Variants in LRCH3 observed in about 807,000 individuals in gnomAD.
The protein encoded by LRCH3 is DISP complex protein LRCH3.
Under a neutral mutation model 104.5 loss-of-function variants are expected in LRCH3, and 68 were observed. That is an observed-to-expected ratio of 0.65 (90% confidence interval 0.54 to 0.80). LRCH3 has a LOEUF of 0.80. Among genes scored for constraint, LRCH3 ranks in the 30% least tolerant of loss-of-function variants. LRCH3 has a pLI of 0.00. For synonymous variants in LRCH3, 344 were observed against 361.3 expected (o/e 0.95, Z 0.54); for missense variants, 951 against 953.9 (o/e 1.00, Z 0.04).
At chr3:197,843,198 G>A (rs2109355882) in intron 10 of LRCH3, among the ~76,000 whole-genome samples, 1 of 152,022 alleles carries the variant, frequency 6.6e-6, no homozygotes, top group East Asian at 1.9e-4. Flanking sequence ...GCTTCTATAA[G>A]AAGCAATATA....
chr3:197,817,154 C>T (rs533289240), intron 2 of LRCH3, 22 bp from the exon 3 acceptor site: 2 of 1,581,276 alleles, frequency 1.3e-6, no homozygotes, highest in South Asian at 1.2e-5. Flanking sequence ...TGATTCTTCT[C>T]TCTTTCTACT....
At chr3:197,881,175 T>C in intron 20 of LRCH3, 1 of 1,008,604 alleles carries the variant, frequency 9.9e-7, no homozygotes, top group Non-Finnish European at 1.2e-6. Flanking sequence ...CGTCGTGCCT[T>C]TTCTGGTTTT....
intron 16 of LRCH3, 67 bp downstream of exon 16, chr3:197,865,538 TAATA>T: frequency 9.5e-7 from 1 of 1,049,356 alleles, no homozygotes; most frequent in Non-Finnish European, 1.3e-6. Context: ...ATTTAAAAAA[TAATA>T]ATAAATAGAG....
At chr3:197,846,625 A>G (rs562701816) in intron 10 of LRCH3, among the ~76,000 whole-genome samples, 10 of 150,954 alleles carry the variant, frequency 6.6e-5, no homozygotes, top group Admixed American at 2.0e-4. Context: ...GTGAGCCATG[A>G]TGATGGGTTT....
intron 9 of LRCH3, among the ~76,000 whole-genome samples, chr3:197,837,348 T>G (rs1011237469): frequency 5.9e-5 from 9 of 152,182 alleles, no homozygotes; most frequent in African/African-American, 1.9e-4. Context: ...TATAAAAAAA[T>G]AGTATTTCTT....
intron 3 of LRCH3, among the ~76,000 whole-genome samples, chr3:197,818,538 T>C (rs764478856): frequency 3.9e-5 from 6 of 152,222 alleles, no homozygotes; most frequent in Non-Finnish European, 7.3e-5. Flanking sequence ...TCCACAAATA[T>C]ATTTAAACTA....
At chr3:197,800,287 A>G (rs1477748967) in intron 1 of LRCH3, among the ~76,000 whole-genome samples, 1 of 152,244 alleles carries the variant, frequency 6.6e-6, no homozygotes, top group Non-Finnish European at 1.5e-5. Context: ...AAGATTTCCA[A>G]TAAATGCAAC....
Position 197,871,384 on chromosome 3 carries a change from C to A in LRCH3, c.2052C>A (p.Asp684Glu). ...LPCDLGAALT[D>E]GVVLCHLANH... Reference sequence around the variant, plus strand: ...GTGATCTCGGAGCAGCTCTAACTGACGGTGTTGTTCTTTGCCATTTGGCCA... The same window carrying A: ...GTGATCTCGGAGCAGCTCTAACTGAAGGTGTTGTTCTTTGCCATTTGGCCA... The change falls in exon 19 of 21, where the codon GAC (aspartate) becomes GAA (glutamate). Residue 684 changes from aspartate to glutamate, a missense_variant. By Grantham distance (45) the Asp-to-Glu change is conservative. Transcript: ENST00000425562. 6.2e-7 allele frequency: 1 copy of A among 1,614,000 alleles called. No individual in the cohort carries two copies. Among genetic ancestry groups the A allele is most frequent in the Non-Finnish European group, 8.5e-7 (1 of 1,179,976 alleles).
At chr3:197,791,814 G>A (rs1020470485) in intron 1 of LRCH3, among the ~76,000 whole-genome samples, 11 of 152,186 alleles carry the variant, frequency 7.2e-5, no homozygotes, top group African/African-American at 2.7e-4. Context: ...ATCAGTTTCT[G>A]CCACGGCGGA....
chr3:197,857,265 G>A (rs1020274609), intron 14 of LRCH3, among the ~76,000 whole-genome samples: 9 of 150,836 alleles, frequency 6.0e-5, no homozygotes, highest in African/African-American at 1.2e-4. Context: ...ATTCTCTTCC[G>A]GCTACCCCTC....
rs1740277391 is a variant in LRCH3 at position 197,856,586 on chromosome 3, TG to T, written c.1644+2142del. Among the ~76,000 whole-genome samples the T allele has an allele frequency of 6.6e-6, 1 of 151,966 alleles. No individual in the cohort carries two copies. Among genetic ancestry groups the T allele is most frequent in the South Asian group, 2.1e-4 (1 of 4,816 alleles). On this transcript the variant is annotated intron_variant, in intron 14 of 20. Transcript: ENST00000425562. This position sits in a 1 kb window ranked among gnomAD's most constrained non-coding sequence, Gnocchi z 4.2. The stretch of plus-strand genomic sequence containing the variant: ...TTTTTTTGTAGAGTCAGGGTCTCAC[TG>T]TGTTGCCCAGGCTGGTCTCTAACTC...
intron 20 of LRCH3, among the ~76,000 whole-genome samples, chr3:197,879,062 G>A (rs1713244163): frequency 6.6e-6 from 1 of 152,292 alleles, no homozygotes; most frequent in African/African-American, 2.4e-5. Flanking sequence ...AAAAACCTCT[G>A]ATGACATTGG....
At chr3:197,834,542 G>C (rs1373069350) in intron 8 of LRCH3, among the ~76,000 whole-genome samples, 1 of 151,962 alleles carries the variant, frequency 6.6e-6, no homozygotes, top group Non-Finnish European at 1.5e-5. Context: ...TCTCTTTTTT[G>C]TGTGTGGCCT....
chr3:197,864,837 A>G (rs1311540765), intron 15 of LRCH3, among the ~76,000 whole-genome samples: 3 of 151,408 alleles, frequency 2.0e-5, no homozygotes, highest in Non-Finnish European at 4.4e-5. Context: ...CCTGGCTAAC[A>G]TGGCAAGACA....
intron 20 of LRCH3, chr3:197,882,987 A>G: frequency 1.0e-6 from 1 of 985,448 alleles, no homozygotes; most frequent in Non-Finnish European, 1.2e-6. Context: ...AGCTCAGGAT[A>G]CACTGAGTTT....
chr3:197,850,327 AAC>A, intron 12 of LRCH3: 1 of 728,544 alleles, frequency 1.4e-6, no homozygotes, highest in Non-Finnish European at 2.3e-6. Context: ...TAATTCTCCC[AAC>A]TCTCTTTAGG....
intron 12 of LRCH3, among the ~76,000 whole-genome samples, chr3:197,851,223 T>G (rs1202816748): frequency 1.3e-5 from 2 of 152,206 alleles, no homozygotes; most frequent in East Asian, 3.8e-4. Context: ...CAGTTTGCCT[T>G]CCGTAGAAGT....
chr3:197,822,765 AAT>A (rs1734628107), intron 4 of LRCH3: 1 of 152,110 alleles, frequency 6.6e-6, no homozygotes, highest in Admixed American at 6.6e-5. Flanking sequence ...TTTACCAAAT[AAT>A]ATGTTACATC....
Position 197,854,086 on chromosome 3 carries a change from C to T in LRCH3, c.1591-306C>T, listed in dbSNP as rs565255659. 2.6e-5 allele frequency among the ~76,000 whole-genome samples: 4 copies of T among 152,122 alleles called. No homozygotes were observed. The highest frequency in any genetic ancestry group is 9.6e-5 in the African/African-American group (4 of 41,514). ...GTTTGTTACTGGCTCACTAAATGAC[C>T]ATAGGTTCTTTATGTTATTGTTACA... is the stretch of plus-strand genomic sequence containing the variant. On this transcript the variant is annotated intron_variant, in intron 13 of 20. Coordinates refer to ENST00000425562, the MANE Select transcript of LRCH3 (RefSeq NM_001365715.1). The surrounding 1 kb of genome is among the most constrained non-coding windows in gnomAD (Gnocchi z 4.5).
Sources: gnomAD v4.1 joint callset for allele counts (sites outside exome capture counted in the v4.1 genomes callset) on GRCh38, gnomAD v4.1.1 for gene constraint, Gnocchi (gnomAD v3.1) non-coding constraint, MANE v1.5 for transcripts, NCBI Gene and HGNC (gene_info 2026-07-23, HGNC 2026-07-21) for gene names.